The following SKI variants were observed in gnomAD, a reference collection of about 807,000 sequenced individuals.
SKI encodes the protein SKI proto-oncogene.
A neutral mutation model predicts 59.3 loss-of-function variants in SKI; 23 were observed. The ratio of observed to expected loss-of-function variants is 0.39; its 90% CI spans 0.28 to 0.55. SKI has a LOEUF of 0.55. Among genes scored for constraint, SKI ranks in the 20% least tolerant of loss-of-function variants. SKI has a pLI of 0.67. For missense variants in SKI, 1,017 were observed against 1,038.9 expected (o/e 0.98, Z 0.29); for synonymous variants, 673 against 488.6 (o/e 1.38, Z -4.98).
chr1:2,296,224 AC>A (rs912770968), intron 1 of SKI, among the ~76,000 whole-genome samples: 5 of 151,292 alleles, frequency 3.3e-5, no homozygotes, highest in African/African-American at 1.2e-4. Flanking sequence ...AGGAAAAAAA[AC>A]AAAAAAAAAA....
At chr1:2,284,510 A>G (rs1017983662) in intron 1 of SKI, among the ~76,000 whole-genome samples, 3 of 152,152 alleles carry the variant, frequency 2.0e-5, no homozygotes, top group Non-Finnish European at 2.9e-5. Context: ...TGTTCTGTGG[A>G]GCAGGGCAGA....
chr1:2,247,424 A>G (rs976021035), intron 1 of SKI, among the ~76,000 whole-genome samples: 1 of 152,172 alleles, frequency 6.6e-6, no homozygotes, highest in African/African-American at 2.4e-5. Flanking sequence ...CTCTGAAGTT[A>G]TATCCTGCCA....
intron 1 of SKI, among the ~76,000 whole-genome samples, chr1:2,275,277 C>T (rs913189394): frequency 3.3e-5 from 5 of 152,224 alleles, no homozygotes; most frequent in Middle Eastern, 3.2e-3. Flanking sequence ...TCAGGCGCCA[C>T]GGCGGCTCCT....
At chr1:2,241,635 C>T (rs576291329) in intron 1 of SKI, among the ~76,000 whole-genome samples, 4 of 152,246 alleles carry the variant, frequency 2.6e-5, no homozygotes, top group African/African-American at 4.8e-5. Context: ...CCTCGCGATC[C>T]GCCCGCCTCG....
At chr1:2,242,677 G>A (rs915087000) in intron 1 of SKI, among the ~76,000 whole-genome samples, 9 of 152,048 alleles carry the variant, frequency 5.9e-5, no homozygotes, top group African/African-American at 2.2e-4. Flanking sequence ...GCATCACCAC[G>A]CCTGGCGGAT....
Position 2,229,801 on chromosome 1 carries a change from A to T in SKI, c.969+66A>T. On this transcript the variant is annotated intron_variant, in intron 1 of 6. Coordinates refer to ENST00000378536, the MANE Select transcript of SKI (RefSeq NM_003036.4). This position sits in a 1 kb window ranked among gnomAD's most constrained non-coding sequence, Gnocchi z 6.3. ...GGGGTGGGGGCCCCTTCTGGACTAC[A>T]GGCTCTGGTCTCCGAAGGCTGGGAC... 1 of 1,548,392 alleles carries T rather than the reference A, an allele frequency of 6.5e-7. No individual in the cohort carries two copies. The highest frequency in any genetic ancestry group is 1.2e-5 in the South Asian group (1 of 83,324).
At chr1:2,264,627 T>G (rs1639460226) in intron 1 of SKI, among the ~76,000 whole-genome samples, 1 of 151,926 alleles carries the variant, frequency 6.6e-6, no homozygotes, top group South Asian at 2.1e-4. Flanking sequence ...GTCTTGAACT[T>G]GGACTCAAGC....
rs1638590781 is a variant in SKI at position 2,229,794 on chromosome 1, G to C, written c.969+59G>C. 6.5e-7 allele frequency: 1 copy of C among 1,549,084 alleles called. No homozygotes were observed. The highest frequency in any genetic ancestry group is 1.4e-5 in the African/African-American group (1 of 73,160). ...TGCGCTTGGGGTGGGGGCCCCTTCT[G>C]GACTACAGGCTCTGGTCTCCGAAGG... On this transcript the variant is annotated intron_variant, in intron 1 of 6. Transcript: ENST00000378536. This position sits in a 1 kb window ranked among gnomAD's most constrained non-coding sequence, Gnocchi z 6.3.
At chr1:2,263,745 C>T (rs1025050983) in intron 1 of SKI, among the ~76,000 whole-genome samples, 2 of 151,256 alleles carry the variant, frequency 1.3e-5, no homozygotes, top group Non-Finnish European at 2.9e-5. Context: ...GCCTGTAATC[C>T]CAGCACTTTG....
At chr1:2,293,789 C>T (rs1299592797) in intron 1 of SKI, among the ~76,000 whole-genome samples, 3 of 152,204 alleles carry the variant, frequency 2.0e-5, no homozygotes, top group African/African-American at 4.8e-5. Flanking sequence ...TCCCAGCCCC[C>T]GTTTCCCCGC....
chr1:2,235,000 T>G (rs1638722144), intron 1 of SKI, among the ~76,000 whole-genome samples: 1 of 151,122 alleles, frequency 6.6e-6, no homozygotes, highest in Admixed American at 6.6e-5. Flanking sequence ...TGCCCTGCCC[T>G]GGCTGTCACC....
chr1:2,264,976 A>G (rs1438091471), intron 1 of SKI, among the ~76,000 whole-genome samples: 4 of 151,884 alleles, frequency 2.6e-5, no homozygotes, highest in Admixed American at 6.6e-5. Flanking sequence ...ACGCCTGGCT[A>G]ATTTTTTGTA....
At chr1:2,288,518 G>C (rs1640093777) in intron 1 of SKI, among the ~76,000 whole-genome samples, 1 of 152,228 alleles carries the variant, frequency 6.6e-6, no homozygotes, top group African/African-American at 2.4e-5. Flanking sequence ...GTTTCCTGTG[G>C]GAGTGGCTCT....
rs577888434 is a variant in SKI at position 2,261,624 on chromosome 1, C to T, written c.969+31889C>T. 4.6e-5 allele frequency among the ~76,000 whole-genome samples: 7 copies of T among 152,384 alleles called. No individual in the cohort carries two copies. The South Asian group carries it at 1.0e-3, about 23-fold the overall frequency. On this transcript the variant is annotated intron_variant, in intron 1 of 6. Coordinates refer to ENST00000378536, the MANE Select transcript of SKI (RefSeq NM_003036.4). The stretch of plus-strand genomic sequence containing the variant: ...TAACCTTCCTAACTTGCTCATGAGT[C>T]CTAGTGGCTTTTATTGTAGTTGCCA...
At chr1:2,247,319 C>G (rs1456137896) in intron 1 of SKI, among the ~76,000 whole-genome samples, 1 of 112,292 alleles carries the variant, frequency 8.9e-6, no homozygotes, top group Non-Finnish European at 1.9e-5. Context: ...CAGGGGCGCC[C>G]TCAGCCTGGA....
At chr1:2,265,773 C>T (rs1241489731) in intron 1 of SKI, among the ~76,000 whole-genome samples, 1 of 151,946 alleles carries the variant, frequency 6.6e-6, no homozygotes, top group Admixed American at 6.6e-5. Flanking sequence ...TTGAGACCAG[C>T]CTGGGCAACA....
chr1:2,242,281 C>G (rs569760170), intron 1 of SKI, among the ~76,000 whole-genome samples: 1 of 152,200 alleles, frequency 6.6e-6, no homozygotes, highest in African/African-American at 2.4e-5. Context: ...TCAAAGAACC[C>G]CAGAACAGCC....
chr1:2,261,219 C>T (rs1169862276), intron 1 of SKI, among the ~76,000 whole-genome samples: 3 of 152,210 alleles, frequency 2.0e-5, no homozygotes, highest in African/African-American at 2.4e-5. Context: ...AGGTGATATT[C>T]GCGCTCTAAC....
intron 1 of SKI, among the ~76,000 whole-genome samples, chr1:2,230,969 G>T (rs903102176): frequency 6.6e-6 from 1 of 152,160 alleles, no homozygotes; most frequent in Admixed American, 6.5e-5. Flanking sequence ...GTGCATGTGT[G>T]TGTGCATGTG....
Sources: gnomAD v4.1 joint callset for allele counts (sites outside exome capture counted in the v4.1 genomes callset) on GRCh38, gnomAD v4.1.1 for gene constraint, Gnocchi (gnomAD v3.1) non-coding constraint, MANE v1.5 for transcripts, NCBI Gene and HGNC (gene_info 2026-07-23, HGNC 2026-07-21) for gene names.